Variants in CPNE4 observed in about 807,000 individuals in gnomAD.
CPNE4 encodes copine-4.
Under a neutral mutation model 67.9 loss-of-function variants are expected in CPNE4, and 25 were observed. The observed-to-expected ratio is 0.37, with a 90% confidence interval of 0.27 to 0.51. The LOEUF (loss-of-function observed/expected upper bound fraction) is 0.51, where lower values mean the gene tolerates loss of function less well. Among genes scored for constraint, CPNE4 ranks in the 20% least tolerant of loss-of-function variants. CPNE4 has a pLI of 0.93. For synonymous variants in CPNE4, 242 were observed against 244.9 expected, an observed-to-expected ratio of 0.99 and a Z score of 0.11; for missense variants, 464 against 690.8, an observed-to-expected ratio of 0.67 and a Z score of 3.68.
intron 8 of CPNE4, among the ~76,000 whole-genome samples, chr3:131,583,636 C>T (rs997080343): frequency 6.6e-6 from 1 of 152,122 alleles, no homozygotes; most frequent in African/African-American, 2.4e-5. Flanking sequence ...TATGGGTTGG[C>T]TTAGTCAGGA....
upstream of CPNE4, among the ~76,000 whole-genome samples, chr3:132,037,019 C>T (rs1319862624): frequency 6.6e-6 from 1 of 152,118 alleles, no homozygotes. Context: ...GGGAACACAA[C>T]TAGTTAATGG....
At chr3:131,952,534 T>C (rs1243208918) in intron 1 of CPNE4, among the ~76,000 whole-genome samples, 46 of 80,384 alleles carry the variant, frequency 5.7e-4, no homozygotes, top group South Asian at 8.7e-4. Flanking sequence ...GGCGTCAGCC[T>C]CCCGCCCGGC....
intron 2 of CPNE4, among the ~76,000 whole-genome samples, chr3:131,775,090 AAT>A (rs1298517668): frequency 6.6e-6 from 1 of 152,048 alleles, no homozygotes; most frequent in African/African-American, 2.4e-5. Context: ...AAGGCTAGTA[AAT>A]TAAATAACCC....
chr3:131,734,318 G>A (rs190393537), intron 2 of CPNE4, among the ~76,000 whole-genome samples: 68 of 152,210 alleles, frequency 4.5e-4, no homozygotes, highest in African/African-American at 1.4e-3. Context: ...TCTTGATAGC[G>A]GTAACCTTGG....
upstream of CPNE4, chr3:132,039,580 C>T (rs1230207748): frequency 6.6e-6 from 1 of 152,236 alleles, no homozygotes; most frequent in African/African-American, 2.4e-5. Flanking sequence ...GTTTCCTTTA[C>T]TTTGGTTAGA....
At chr3:131,642,719 C>T (rs2079570119) in intron 7 of CPNE4, among the ~76,000 whole-genome samples, 1 of 152,098 alleles carries the variant, frequency 6.6e-6, no homozygotes, top group Non-Finnish European at 1.5e-5. Flanking sequence ...AGGGGCTTTT[C>T]CCCCTTTGCT....
At chr3:131,665,936 T>G (rs1560078247) in intron 7 of CPNE4, among the ~76,000 whole-genome samples, 1 of 151,954 alleles carries the variant, frequency 6.6e-6, no homozygotes, top group African/African-American at 2.4e-5. Flanking sequence ...AAAGAGAAAA[T>G]TCTGCCTAAT....
chr3:132,025,432 G>T (rs1198136933), intron 1 of CPNE4, among the ~76,000 whole-genome samples: 2 of 152,194 alleles, frequency 1.3e-5, no homozygotes, highest in African/African-American at 4.8e-5. Context: ...GTCACCTTTT[G>T]TGGCTGGGCA....
At chr3:131,606,178 A>G (rs972421743) in intron 7 of CPNE4, among the ~76,000 whole-genome samples, 2 of 152,190 alleles carry the variant, frequency 1.3e-5, no homozygotes, top group African/African-American at 4.8e-5. Context: ...CAAATGGGCA[A>G]TGTGGGATTT....
At chr3:131,884,366 A>T (rs1402514962) in intron 2 of CPNE4, among the ~76,000 whole-genome samples, 2 of 152,174 alleles carry the variant, frequency 1.3e-5, no homozygotes, top group East Asian at 3.9e-4. Flanking sequence ...TAGTAGATGG[A>T]GAGTGGACAA....
At chr3:131,618,239 T>A (rs566714292) in intron 7 of CPNE4, among the ~76,000 whole-genome samples, 1 of 152,262 alleles carries the variant, frequency 6.6e-6, no homozygotes, top group East Asian at 1.9e-4. Flanking sequence ...TAGAAAGGGA[T>A]GCTTAACTCA....
At chr3:131,669,237 T>A (rs1445051407) in intron 7 of CPNE4, among the ~76,000 whole-genome samples, 1 of 152,044 alleles carries the variant, frequency 6.6e-6, no homozygotes, top group Non-Finnish European at 1.5e-5. Flanking sequence ...CCAGGCAAGA[T>A]CAACAGAAGA....
chr3:131,746,534 T>C (rs754689464), intron 2 of CPNE4, among the ~76,000 whole-genome samples: 3 of 152,198 alleles, frequency 2.0e-5, no homozygotes, highest in Non-Finnish European at 2.9e-5. Context: ...TCTGTCTTTC[T>C]GTGCCAGACT....
chr3:131,749,083 G>C (rs534368930), intron 2 of CPNE4, among the ~76,000 whole-genome samples: 8 of 152,046 alleles, frequency 5.3e-5, no homozygotes, highest in African/African-American at 1.9e-4. Context: ...TCATGTATTA[G>C]AAGCGCACTC....
chr3:131,612,505 A>C (rs1358264257), intron 7 of CPNE4, among the ~76,000 whole-genome samples: 3 of 152,196 alleles, frequency 2.0e-5, no homozygotes, highest in Non-Finnish European at 2.9e-5. Context: ...GCCTTAATTC[A>C]CATATTTGTC....
intron 1 of CPNE4, among the ~76,000 whole-genome samples, chr3:131,974,271 T>C (rs78373812): frequency 6.6e-6 from 1 of 152,318 alleles, no homozygotes; most frequent in East Asian, 1.9e-4. Context: ...AATTGTAAAA[T>C]GTCTTGTGCA....
At chr3:132,031,906 C>T (rs1259560424) in intron 1 of CPNE4, among the ~76,000 whole-genome samples, 1 of 152,016 alleles carries the variant, frequency 6.6e-6, no homozygotes, top group Non-Finnish European at 1.5e-5. Flanking sequence ...AGAATCAAAG[C>T]TTTTTTCTAT....
intron 2 of CPNE4, among the ~76,000 whole-genome samples, chr3:131,882,177 C>T (rs1359912881): frequency 6.6e-6 from 1 of 151,982 alleles, no homozygotes. Context: ...ACATCTCTCT[C>T]ACAAACTCAC....
At chr3:131,951,946 C>T (rs1165184973) in intron 1 of CPNE4, among the ~76,000 whole-genome samples, 18 of 149,734 alleles carry the variant, frequency 1.2e-4, no homozygotes, top group African/African-American at 2.0e-4. Context: ...GCCTTGGCCT[C>T]CCAAAGTGCC....
Sources: gnomAD v4.1 joint callset for allele counts (sites outside exome capture counted in the v4.1 genomes callset) on GRCh38, gnomAD v4.1.1 for gene constraint, MANE v1.5 for transcripts, NCBI Gene and HGNC (gene_info 2026-07-23, HGNC 2026-07-21) for gene names.